Variants in RPAP3 observed in about 807,000 individuals in gnomAD.
RPAP3 encodes RNA polymerase II-associated protein 3.
In RPAP3, 58 loss-of-function variants were observed where a neutral mutation model predicts 88.8. The ratio of observed to expected loss-of-function variants is 0.65; its 90% CI spans 0.53 to 0.81. The LOEUF is 0.81. Ranked by LOEUF, RPAP3 falls within the 40% of genes least tolerant of loss-of-function variation. The pLI is 0.00. For missense variants in RPAP3, 751 were observed against 764.3 expected, an observed-to-expected ratio of 0.98 and a Z score of 0.20; for synonymous variants, 255 against 259.9, an observed-to-expected ratio of 0.98 and a Z score of 0.18.
intron 14 of RPAP3, among the ~76,000 whole-genome samples, chr12:47,668,443 A>C (rs1286893927): frequency 2.0e-5 from 3 of 152,228 alleles, no homozygotes; most frequent in African/African-American, 7.2e-5. Context: ...TACATGAGAA[A>C]ACGTATTTGG....
At chr12:47,678,525 C>G (rs1012722090) in intron 12 of RPAP3, among the ~76,000 whole-genome samples, 2 of 152,138 alleles carry the variant, frequency 1.3e-5, no homozygotes, top group Non-Finnish European at 2.9e-5. Flanking sequence ...TATCCAGAAT[C>G]TACAAAGAAC....
rs781266490 is a variant in RPAP3, at chr12:47,681,833, A to C, written c.993-16T>G. ...TTCTTCATATCTATTGAACATGATA[A>C]AATTACTGACTGGAAAAAAGGCAGC... On this transcript the variant is annotated splice_polypyrimidine_tract_variant and intron_variant, in intron 9 of 16. Coordinates refer to ENST00000005386, the MANE Select transcript of RPAP3 (RefSeq NM_024604.3). 2.6e-6 allele frequency: 4 copies of C among 1,547,914 alleles called. No individual in the cohort carries two copies. The Admixed American group carries it at 8.9e-5, about 34-fold the overall frequency.
chr12:47,695,532 CTTAAG>C (rs1189489271), intron 5 of RPAP3, among the ~76,000 whole-genome samples: 3 of 152,034 alleles, frequency 2.0e-5, no homozygotes, highest in East Asian at 1.9e-4. Context: ...TGTTCTGGTT[CTTAAG>C]TTGAGAGGGG....
intron 9 of RPAP3, 134 bp from the exon 10 acceptor site, chr12:47,681,951 G>A: frequency 1.2e-6 from 1 of 819,012 alleles, no homozygotes; most frequent in Non-Finnish European, 1.8e-6. Context: ...TTGAAGTGGA[G>A]AACTATTTTA....
In RPAP3 at chr12:47,681,800, TTTTC is replaced by T. The variant is rs1939228824; in HGVS notation, c.1006_1009del (p.Glu336LysfsTer9). ...TAATAAAATGGCTTGTGTGCAGTCT[TTTTC>T]AGCTTCTTCATATCTATTGAACATG... On this transcript the variant is annotated frameshift_variant, in exon 10 of 17. Coordinates refer to ENST00000005386, the MANE Select transcript of RPAP3 (RefSeq NM_024604.3). LOFTEE classifies it high-confidence loss of function. 3.1e-6 allele frequency: 5 copies of T among 1,606,526 alleles called. No homozygotes were observed. The highest frequency in any genetic ancestry group is 4.2e-6 in the Non-Finnish European group (5 of 1,177,454).
At chr12:47,672,148 C>T (rs947336019) in intron 12 of RPAP3, among the ~76,000 whole-genome samples, 25 of 151,998 alleles carry the variant, frequency 1.6e-4, no homozygotes, top group African/African-American at 6.0e-4. Context: ...ATCAGGAAAA[C>T]TTTCACTTAT....
rs1481445457 is a variant in RPAP3 at position 47,662,630 on chromosome 12, T to TA, written c.*874dup. The TA allele has an allele frequency of 6.6e-6, 1 of 152,226 alleles. No individual in the cohort carries two copies. The highest frequency in any genetic ancestry group is 1.5e-5 in the Non-Finnish European group (1 of 68,030). The allele number at this position is 152,226 out of a possible 1,614,324, so 9.4% of individuals were successfully genotyped here. ...CCAAAAATTTGCTAGGCTGCTACTTTAAACATTTACTTAATATGATTCTTG... is the reference window on the plus strand; with the variant it reads ...CCAAAAATTTGCTAGGCTGCTACTTTAAAACATTTACTTAATATGATTCTTG... On this transcript the variant is annotated 3_prime_UTR_variant, in exon 17 of 17. Transcript: ENST00000005386.
intron 9 of RPAP3, among the ~76,000 whole-genome samples, chr12:47,686,069 C>A (rs553519409): frequency 1.3e-5 from 2 of 152,306 alleles, no homozygotes; most frequent in African/African-American, 4.8e-5. Flanking sequence ...AAGGGGAATT[C>A]ATGGCACTGA....
intron 3 of RPAP3, 112 bp from the exon 4 acceptor site, chr12:47,697,831 G>A (rs1327342334): frequency 1.0e-6 from 1 of 987,226 alleles, no homozygotes; most frequent in Non-Finnish European, 1.5e-6. Context: ...TACAATCTAA[G>A]GACCTACAGC....
chr12:47,666,649 G>A (rs1938879618), intron 16 of RPAP3, among the ~76,000 whole-genome samples: 1 of 152,124 alleles, frequency 6.6e-6, no homozygotes, highest in Non-Finnish European at 1.5e-5. Flanking sequence ...GAGTTGGACT[G>A]CCTGGGTTCG....
At chr12:47,672,496 G>A (rs1361449617) in intron 12 of RPAP3, among the ~76,000 whole-genome samples, 2 of 152,168 alleles carry the variant, frequency 1.3e-5, no homozygotes, top group African/African-American at 2.4e-5. Flanking sequence ...TCAATTTACG[G>A]AGAAAAAGTA....
chr12:47,687,369 T>C (rs181425049), intron 8 of RPAP3, among the ~76,000 whole-genome samples: 1 of 152,138 alleles, frequency 6.6e-6, no homozygotes, highest in Non-Finnish European at 1.5e-5. Flanking sequence ...TTCAGCTGTA[T>C]TGGAATTTGT....
At chr12:47,689,922 T>C (rs1295891359) in intron 6 of RPAP3, among the ~76,000 whole-genome samples, 3 of 151,602 alleles carry the variant, frequency 2.0e-5, no homozygotes, top group Non-Finnish European at 4.4e-5. Flanking sequence ...GCACCTGTAA[T>C]CCCGGATACT....
At chr12:47,702,536 G>A (rs751243587) in intron 2 of RPAP3, 152 bp downstream of exon 2, 5 of 636,890 alleles carry the variant, frequency 7.9e-6, no homozygotes, top group Non-Finnish European at 1.3e-5. Flanking sequence ...CCTGGTGACA[G>A]AGCAAGACTC....
At chr12:47,675,882 G>C (rs972189847) in intron 12 of RPAP3, among the ~76,000 whole-genome samples, 1 of 152,162 alleles carries the variant, frequency 6.6e-6, no homozygotes, top group South Asian at 2.1e-4. Flanking sequence ...ACTCAGCTCT[G>C]CAACAAGCAG....
intron 9 of RPAP3, among the ~76,000 whole-genome samples, chr12:47,683,232 G>A (rs1193449604): frequency 6.6e-6 from 1 of 152,154 alleles, no homozygotes; most frequent in Non-Finnish European, 1.5e-5. Context: ...CCTATAGCAC[G>A]TGTCCTTCAT....
chr12:47,671,407 T>C (rs1198340060), intron 12 of RPAP3, among the ~76,000 whole-genome samples: 1 of 152,192 alleles, frequency 6.6e-6, no homozygotes, highest in Non-Finnish European at 1.5e-5. Flanking sequence ...AACTACATAG[T>C]TGAATTATAA....
At position 47,679,732 on chromosome 12, in the gene RPAP3, G is replaced by C. The variant is rs777920088; in HGVS notation, c.1157C>G (p.Ala386Gly). Reference sequence around the variant, plus strand: ...TTTAATTTTGGAGAGTTCAGTTACTGCTTGCTTATTTCCAGGTTCCAGAAG... The same window carrying C: ...TTTAATTTTGGAGAGTTCAGTTACTCCTTGCTTATTTCCAGGTTCCAGAAG... Reference protein sequence around the residue: ...VLLLEPGNKQAVTELSKIKKE... With the variant: ...VLLLEPGNKQGVTELSKIKKE... Residue 386 changes from alanine (A) to glycine (G), a missense_variant, in exon 11 of 17, where the codon GCA becomes GGA. Transcript: ENST00000005386. 6.2e-7 allele frequency: 1 copy of C among 1,606,802 alleles called. No homozygotes were observed. Among genetic ancestry groups the C allele is most frequent in the East Asian group, 2.2e-5 (1 of 44,680 alleles).
At chr12:47,667,185 AT>A (rs1158929361) in intron 15 of RPAP3, 105 bp from the exon 16 acceptor site, 13 of 434,200 alleles carry the variant, frequency 3.0e-5, no homozygotes, top group Non-Finnish European at 3.9e-5. Flanking sequence ...AAATGACATC[AT>A]TTTTTCCCCT....
Sources: allele counts gnomAD v4.1 joint callset (sites outside exome capture counted in the v4.1 genomes callset), GRCh38; gene constraint gnomAD v4.1.1; transcripts MANE v1.5; gene names NCBI Gene and HGNC (gene_info 2026-07-23, HGNC 2026-07-21).